The following UBXN4 variants were observed in gnomAD, a reference collection of about 807,000 sequenced individuals.
UBXN4 encodes UBX domain-containing protein 4.
UBXN4 carries 35 observed loss-of-function variants against 66.2 expected under a neutral mutation model. That is an observed-to-expected ratio of 0.53 (90% confidence interval 0.40 to 0.70). UBXN4 has a LOEUF of 0.70. Ranked by LOEUF, UBXN4 falls within the 30% of genes least tolerant of loss-of-function variation. The probability of loss-of-function intolerance (pLI) is 0.00; values close to 1 mark genes in which losing one functional copy is unlikely to be tolerated. For missense variants in UBXN4, 533 were observed against 599.8 expected, an observed-to-expected ratio of 0.89 and a Z score of 1.16; for synonymous variants, 203 against 204.5, an observed-to-expected ratio of 0.99 and a Z score of 0.06.
At chr2:135,753,684 T>C (rs1245022043) in intron 3 of UBXN4, 117 bp downstream of exon 3, 1 of 956,238 alleles carries the variant, frequency 1.0e-6, no homozygotes, top group Non-Finnish European at 1.5e-6. Flanking sequence ...TTCTTTTTTA[T>C]GGAAACTTTA....
intron 12 of UBXN4, 112 bp downstream of exon 12, chr2:135,780,497 C>A: frequency 1.1e-6 from 1 of 943,066 alleles, no homozygotes; most frequent in Non-Finnish European, 1.6e-6. Context: ...CCAGTTCCCA[C>A]GGTGGAGGAG....
intron 9 of UBXN4, 24 bp downstream of exon 9, chr2:135,772,571 T>C (rs2077390157): frequency 5.0e-6 from 8 of 1,612,060 alleles, no homozygotes; most frequent in Non-Finnish European, 6.8e-6. Context: ...TGCTGAAACA[T>C]CTCTGTGCAC....
At chr2:135,779,778 C>T (rs2077438075) in intron 11 of UBXN4, among the ~76,000 whole-genome samples, 1 of 148,168 alleles carries the variant, frequency 6.7e-6, no homozygotes, top group Non-Finnish European at 1.5e-5. Context: ...AACACAGCTC[C>T]AAATATTATA....
At chr2:135,754,680 A>G (rs536883125) in intron 4 of UBXN4, among the ~76,000 whole-genome samples, 1 of 152,320 alleles carries the variant, frequency 6.6e-6, no homozygotes, top group Admixed American at 6.5e-5. Flanking sequence ...CATGCCAAAA[A>G]TCTTAAAAGG....
intron 12 of UBXN4, 97 bp downstream of exon 12, chr2:135,780,482 C>A: frequency 8.9e-7 from 1 of 1,120,592 alleles, no homozygotes; most frequent in Non-Finnish European, 1.3e-6. Flanking sequence ...CTGTATATGT[C>A]CTCTCCAGTT....
chr2:135,770,628 A>C lies in UBXN4; in HGVS notation c.715A>C (p.Lys239Gln). Residue 239 changes from lysine to glutamine, a missense_variant, in exon 8 of 13, where the codon AAA (lysine) becomes CAA (glutamine). Physicochemically the swap from Lys to Gln is moderately conservative, Grantham distance 53. Coordinates refer to ENST00000272638, the MANE Select transcript of UBXN4 (RefSeq NM_014607.4). ...RKTGKEMLDY[K>Q]RKQEEELTKR... ...AACTGGAAAAGAAATGTTGGATTAT[A>C]AAAGAAAACAAGAAGAAGAATTAAC... 6.4e-7 allele frequency: 1 copy of C among 1,561,720 alleles called. No individual in the cohort carries two copies. The highest frequency in any genetic ancestry group is 2.3e-5 in the East Asian group (1 of 42,996).
chr2:135,779,661 T>A (rs981058608), intron 11 of UBXN4, among the ~76,000 whole-genome samples: 1 of 151,928 alleles, frequency 6.6e-6, no homozygotes, highest in Non-Finnish European at 1.5e-5. Context: ...CCTTTTTTTT[T>A]AAATCAGCAA....
At chr2:135,774,938 A>G (rs571531248) in intron 9 of UBXN4, among the ~76,000 whole-genome samples, 3 of 152,350 alleles carry the variant, frequency 2.0e-5, no homozygotes, top group East Asian at 3.9e-4. Flanking sequence ...TAGAATATAA[A>G]AAGAACCTGT....
At chr2:135,754,127 C>A in intron 3 of UBXN4, 32 bp from the exon 4 acceptor site, 1 of 1,481,854 alleles carries the variant, frequency 6.7e-7, no homozygotes, top group Non-Finnish European at 9.3e-7. Context: ...TTTCGTTTCA[C>A]ATGAATTGTT....
intron 6 of UBXN4, 114 bp from the exon 7 acceptor site, chr2:135,769,655 T>A: frequency 1.3e-6 from 1 of 791,410 alleles, no homozygotes; most frequent in South Asian, 2.6e-5. Flanking sequence ...GCTTGCTTTT[T>A]GTTTGTTTGT....
At position 135,746,405 on chromosome 2, in the gene UBXN4, C is replaced by G. The variant is rs2077207657; in HGVS notation, c.83-1862C>G. Among the ~76,000 whole-genome samples, 3 of 152,098 alleles carry G rather than the reference C, an allele frequency of 2.0e-5. No individual in the cohort carries two copies. The South Asian group carries it at 6.2e-4, about 31-fold the overall frequency. On this transcript the variant is annotated intron_variant, in intron 1 of 12. Coordinates refer to ENST00000272638, the MANE Select transcript of UBXN4 (RefSeq NM_014607.4). ...TCCTTGCCTTCATGGAACCTTCATT[C>G]TAGTTAGGGGAGACAGATACTAGTA...
At position 135,780,390 on chromosome 2, in the gene UBXN4, C is replaced by G. The variant is rs369512844; in HGVS notation, c.1388+5C>G. ...ATCTAGCAAATCAGAAAAAAGGTAT[C>G]TGTGTGTGTTTTCCCCATTTATAAA... On this transcript the variant is annotated splice_donor_5th_base_variant and intron_variant, in intron 12 of 12. Transcript: ENST00000272638. 13 of 1,612,586 alleles carry G rather than the reference C, an allele frequency of 8.1e-6. No individual in the cohort carries two copies. The highest frequency in any genetic ancestry group is 1.1e-5 in the Non-Finnish European group (13 of 1,178,726).
chr2:135,763,323 G>A (rs961151370), intron 6 of UBXN4, among the ~76,000 whole-genome samples: 3 of 151,818 alleles, frequency 2.0e-5, no homozygotes, highest in Admixed American at 2.0e-4. Context: ...TCTTTTGCAG[G>A]GTATTGAACT....
intron 7 of UBXN4, among the ~76,000 whole-genome samples, chr2:135,770,217 CCTAA>C (rs1418359271): frequency 6.6e-6 from 1 of 152,164 alleles, no homozygotes; most frequent in Non-Finnish European, 1.5e-5. Flanking sequence ...ACCATGTATA[CCTAA>C]CTGTGTAGCA....
At chr2:135,749,088 T>C (rs1024142401) in intron 2 of UBXN4, among the ~76,000 whole-genome samples, 1 of 152,000 alleles carries the variant, frequency 6.6e-6, no homozygotes, top group Non-Finnish European at 1.5e-5. Flanking sequence ...ATCTAAGGCA[T>C]ATTAGGAACT....
chr2:135,753,440 A>G, intron 2 of UBXN4, 99 bp from the exon 3 acceptor site: 1 of 1,049,584 alleles, frequency 9.5e-7, no homozygotes, highest in East Asian at 3.2e-5. Flanking sequence ...TAGTTGCAGG[A>G]AAATACTTGT....
At chr2:135,744,066 G>GTGT (rs1231071082) in intron 1 of UBXN4, among the ~76,000 whole-genome samples, 2 of 152,192 alleles carry the variant, frequency 1.3e-5, no homozygotes, top group African/African-American at 4.8e-5. Flanking sequence ...AGTAGGATTA[G>GTGT]TGTCACTCTA....
At chr2:135,745,875 CTTTTTTTT>C (rs59946844) in intron 1 of UBXN4, among the ~76,000 whole-genome samples, 1 of 74,406 alleles carries the variant, frequency 1.3e-5, no homozygotes, top group East Asian at 5.1e-4. Context: ...GTCCCGTTTA[CTTTTTTTT>C]TTTTTTTTTT....
intron 12 of UBXN4, among the ~76,000 whole-genome samples, chr2:135,782,447 T>G (rs2077456018): frequency 1.3e-5 from 2 of 152,162 alleles, no homozygotes; most frequent in Admixed American, 6.5e-5. Context: ...AAAGGAAAGA[T>G]TAGTTGGCAA....
Sources: gnomAD v4.1 joint callset for allele counts (sites outside exome capture counted in the v4.1 genomes callset) on GRCh38, gnomAD v4.1.1 for gene constraint, MANE v1.5 for transcripts, NCBI Gene and HGNC (gene_info 2026-07-23, HGNC 2026-07-21) for gene names.